Variants in NOD2 observed in about 807,000 individuals in gnomAD.
The protein encoded by NOD2 is nucleotide-binding oligomerization domain-containing protein 2.
A neutral mutation model predicts 90.9 loss-of-function variants in NOD2; 86 were observed. The observed-to-expected ratio is 0.95, with a 90% CI of 0.79 to 1.13. The LOEUF (loss-of-function observed/expected upper bound fraction) is 1.13, where lower values mean the gene tolerates loss of function less well. Among genes scored for constraint, NOD2 ranks in the 50% most tolerant of loss-of-function variants. The pLI, the probability that NOD2 is intolerant of heterozygous loss-of-function variation, is 0.00. For synonymous variants in NOD2, 581 were observed against 554.6 expected (o/e 1.05, Z -0.67); for missense variants, 1,238 against 1,283.8 (o/e 0.96, Z 0.55).
Position 50,710,676 on chromosome 16 carries a change from T to C in NOD2, c.684T>C (p.Asn228=), listed in dbSNP as rs1439227354. 1.2e-6 allele frequency: 2 copies of C among 1,613,968 alleles called. No homozygotes were observed. Among genetic ancestry groups the C allele is most frequent in the Non-Finnish European group, 1.7e-6 (2 of 1,179,854 alleles). The change falls in exon 4 of 12, where the codon AAT becomes AAC. Residue 228 remains asparagine, a synonymous_variant. Transcript: ENST00000647318. ...TLCLEDIYTE[N]VLEVWADVGM... ...GCCTGGAGGACATATACACAGAGAA[T>C]GTCCTGGAGGTCTGGGCAGATGTGG...
At chr16:50,720,138 G>A (rs1964990009) in intron 7 of NOD2, 130 bp downstream of exon 7, 2 of 758,842 alleles carry the variant, frequency 2.6e-6, no homozygotes, top group Admixed American at 2.3e-5. Flanking sequence ...GACAAGCCAG[G>A]GAGAGAGTGG....
At chr16:50,700,204 C>T (rs1215072132) in intron 2 of NOD2, among the ~76,000 whole-genome samples, 1 of 152,224 alleles carries the variant, frequency 6.6e-6, no homozygotes, top group East Asian at 1.9e-4. Flanking sequence ...TCATAGCTCA[C>T]TGTAGCCTTG....
Position 50,711,909 on chromosome 16 carries a change from C to A in NOD2, c.1917C>A (p.Ala639=). The A allele has an allele frequency of 6.2e-7, 1 of 1,608,264 alleles. No individual in the cohort carries two copies. The highest frequency in any genetic ancestry group is 1.1e-5 in the South Asian group (1 of 90,812). The change falls in exon 4 of 12, where the codon GCC becomes GCA. Residue 639 remains alanine (A), a synonymous_variant. Transcript: ENST00000647318. ...DSSVAALLQK[A]EPHNLQITAA... ...GCGTGGCAGCTTTGCTGCAGAAGGC[C>A]GAGCCGCACAACCTTCAGATCACAG... is the stretch of plus-strand genomic sequence containing the variant.
rs1475657554 is a variant in NOD2, at chr16:50,707,854, G to A, written c.460-1G>A. On this transcript the variant is annotated splice_acceptor_variant, in intron 2 of 11. Coordinates refer to ENST00000647318, the MANE Select transcript of NOD2 (RefSeq NM_001370466.1). LOFTEE classifies it high-confidence loss of function. ...AATAATGTCTTCTGCCTTTCCTGTAGGCAAGAAGGCTGCTTGATCTTGCCA... is the reference window on the plus strand; with the variant it reads ...AATAATGTCTTCTGCCTTTCCTGTAAGCAAGAAGGCTGCTTGATCTTGCCA... The A allele has an allele frequency of 6.2e-7, 1 of 1,610,294 alleles. No individual in the cohort carries two copies. Among genetic ancestry groups the A allele is most frequent in the Non-Finnish European group, 8.5e-7 (1 of 1,176,518 alleles).
At chr16:50,709,585 G>C (rs370488756) in intron 3 of NOD2, among the ~76,000 whole-genome samples, 6 of 152,234 alleles carry the variant, frequency 3.9e-5, no homozygotes, top group Non-Finnish European at 7.3e-5. Flanking sequence ...GGATGGGGAA[G>C]TGGAGGCAGG....
At chr16:50,703,869 C>T (rs1964058021) in intron 2 of NOD2, among the ~76,000 whole-genome samples, 1 of 152,036 alleles carries the variant, frequency 6.6e-6, no homozygotes, top group Non-Finnish European at 1.5e-5. Context: ...ATATTGGGCT[C>T]ATTGCAACTG....
intron 9 of NOD2, among the ~76,000 whole-genome samples, chr16:50,724,825 C>T (rs1190684137): frequency 6.6e-6 from 1 of 152,148 alleles, no homozygotes; most frequent in Non-Finnish European, 1.5e-5. Context: ...TTTATTTTTT[C>T]CTGTATAGGC....
intron 10 of NOD2, 143 bp from the exon 11 acceptor site, chr16:50,729,675 G>T: frequency 3.0e-6 from 2 of 677,006 alleles, no homozygotes. Flanking sequence ...TGAGCTCATT[G>T]GGAATCTCAG....
chr16:50,711,277 C>A lies in NOD2; in HGVS notation c.1285C>A (p.Leu429Met). The stretch of plus-strand genomic sequence containing the variant: ...CTCTGAACAGGGCATCGAGCTGTAC[C>A]TGAGGAAGCGCCATCATGAGCCCGG... The part of the protein sequence containing the change: ...GFSEQGIELY[L>M]RKRHHEPGVA... The change falls in exon 4 of 12, where the codon CTG becomes ATG. Residue 429 changes from leucine (L) to methionine (M), a missense_variant. By Grantham distance (15) the Leu-to-Met change is conservative (BLOSUM62 2). Around this residue, in one of 3 missense-constraint regions of NOD2, gnomAD observed 567 missense variants for 577.3 expected, o/e 0.98. Transcript: ENST00000647318. 1 of 1,613,830 alleles carries A rather than the reference C, an allele frequency of 6.2e-7. No homozygotes were observed. Among genetic ancestry groups the A allele is most frequent in the East Asian group, 2.2e-5 (1 of 44,882 alleles).
chr16:50,711,173 A>G lies in NOD2; in HGVS notation c.1181A>G (p.Lys394Arg). The change falls in exon 4 of 12, where the codon AAG (lysine) becomes AGG (arginine). Residue 394 changes from lysine to arginine, a missense_variant. Lys to Arg is a conservative substitution (Grantham distance 26). Coordinates refer to ENST00000647318, the MANE Select transcript of NOD2 (RefSeq NM_001370466.1). Reference sequence around the variant, plus strand: ...GGCAACCTGCTGAAGAATGCCCGCAAGGTGGTGACCAGCCGTCCGGCCGCT... The same window carrying G: ...GGCAACCTGCTGAAGAATGCCCGCAGGGTGGTGACCAGCCGTCCGGCCGCT... Reference protein sequence around the residue: ...LQGNLLKNARKVVTSRPAAVS... With the variant: ...LQGNLLKNARRVVTSRPAAVS... 1 of 1,614,128 alleles carries G rather than the reference A, an allele frequency of 6.2e-7. No homozygotes were observed. Among genetic ancestry groups the G allele is most frequent in the South Asian group, 1.1e-5 (1 of 91,078 alleles).
chr16:50,701,602 C>G (rs1265606822), intron 2 of NOD2, among the ~76,000 whole-genome samples: 1 of 152,212 alleles, frequency 6.6e-6, no homozygotes, highest in Non-Finnish European at 1.5e-5. Flanking sequence ...ATCAGCCCAT[C>G]TGAGAAGTTA....
chr16:50,714,272 G>GGTGA (rs1198858833), intron 4 of NOD2, among the ~76,000 whole-genome samples: 4 of 152,184 alleles, frequency 2.6e-5, no homozygotes, highest in African/African-American at 9.7e-5. Flanking sequence ...TTCAGAGAAA[G>GGTGA]GTGAGGGTGG....
rs182431042 is a variant in NOD2 at position 50,721,307 on chromosome 16, C to T, written c.2633+1299C>T. Among the ~76,000 whole-genome samples the T allele has an allele frequency of 6.3e-3, 949 of 151,078 alleles. 8 individuals carry two copies. The highest frequency in any genetic ancestry group is 0.022 in the African/African-American group (891 of 41,072). On this transcript the variant is annotated intron_variant, in intron 7 of 11. Coordinates refer to ENST00000647318, the MANE Select transcript of NOD2 (RefSeq NM_001370466.1). Reference sequence around the variant, plus strand: ...TATTAGGGCACCTGTCTGGGCCAGGCGTTGTGCTAAAACCCCCAAACGCTG... The same window carrying T: ...TATTAGGGCACCTGTCTGGGCCAGGTGTTGTGCTAAAACCCCCAAACGCTG...
At chr16:50,721,374 T>TG (rs1429503860) in intron 7 of NOD2, among the ~76,000 whole-genome samples, 6 of 150,780 alleles carry the variant, frequency 4.0e-5, no homozygotes, top group Non-Finnish European at 8.8e-5. Flanking sequence ...TGGTTTTTTT[T>TG]TTTGTTTGTT....
chr16:50,711,386 T>C lies in NOD2; in HGVS notation c.1394T>C (p.Val465Ala). 9 of 1,613,718 alleles carry C rather than the reference T, an allele frequency of 5.6e-6. No individual in the cohort carries two copies. Among genetic ancestry groups the C allele is most frequent in the Non-Finnish European group, 6.8e-6 (8 of 1,180,042 alleles). The change falls in exon 4 of 12, where the codon GTG (valine) becomes GCG (alanine). Residue 465 changes from valine (V) to alanine (A), a missense_variant. By Grantham distance (64) the Val-to-Ala change is moderately conservative. Coordinates refer to ENST00000647318, the MANE Select transcript of NOD2 (RefSeq NM_001370466.1). ...LCHLPVFSWM[V>A]SKCHQELLLQ... ...CACCTGCCTGTCTTCTCATGGATGG[T>C]GTCCAAATGCCACCAGGAACTGTTG... is the stretch of plus-strand genomic sequence containing the variant.
intron 9 of NOD2, among the ~76,000 whole-genome samples, chr16:50,725,120 C>T (rs1965218924): frequency 6.6e-6 from 1 of 152,210 alleles, no homozygotes; most frequent in African/African-American, 2.4e-5. Flanking sequence ...ATGTGTATGT[C>T]ACTTGACCAA....
At position 50,710,842 on chromosome 16, in the gene NOD2, C is replaced by A. The variant is rs104895427; in HGVS notation, c.850C>A (p.Arg284=). 6.2e-7 allele frequency: 1 copy of A among 1,614,060 alleles called. No homozygotes were observed. Among genetic ancestry groups the A allele is most frequent in the African/African-American group, 1.3e-5 (1 of 75,048 alleles). Residue 284 remains arginine (R), a synonymous_variant, in exon 4 of 12, where the codon CGG becomes AGG. Transcript: ENST00000647318. ...AGSGKSTLLQ[R]LHLLWAAGQD... ...CAGTGGCAAGAGCACGCTCCTGCAG[C>A]GGCTGCACTTGCTGTGGGCTGCAGG... is the stretch of plus-strand genomic sequence containing the variant.
At chr16:50,714,703 C>CAA (rs1964704544) in intron 4 of NOD2, among the ~76,000 whole-genome samples, 2 of 151,410 alleles carry the variant, frequency 1.3e-5, no homozygotes, top group African/African-American at 4.9e-5. Flanking sequence ...GGCACAGGCT[C>CAA]CTCTCCCACA....
chr16:50,725,918 G>A (rs1271505020), intron 10 of NOD2, among the ~76,000 whole-genome samples: 1 of 152,202 alleles, frequency 6.6e-6, no homozygotes, highest in Non-Finnish European at 1.5e-5. Context: ...CAACCAATGG[G>A]CAAGAAAGCC....
Sources: allele counts gnomAD v4.1 joint callset (sites outside exome capture counted in the v4.1 genomes callset), GRCh38; gene constraint gnomAD v4.1.1; regional missense constraint gnomAD v4.1.1; transcripts MANE v1.5; gene names NCBI Gene and HGNC (gene_info 2026-07-23, HGNC 2026-07-21).